PLCH1: variants seen among roughly 807,000 people sequenced by gnomAD.
PLCH1 encodes 1-phosphatidylinositol 4,5-bisphosphate phosphodiesterase eta-1.
PLCH1 carries 60 observed loss-of-function variants against 126.7 expected under a neutral mutation model. The ratio of observed to expected loss-of-function variants is 0.47; its 90% CI spans 0.38 to 0.59. The LOEUF is 0.59. Among genes scored for constraint, PLCH1 ranks in the 20% least tolerant of loss-of-function variants. The pLI is 0.00. For missense variants in PLCH1, 1,723 were observed against 2,040.0 expected (o/e 0.84, Z 2.99); for synonymous variants, 719 against 734.9 (o/e 0.98, Z 0.35).
intron 2 of PLCH1, among the ~76,000 whole-genome samples, chr3:155,695,904 A>G (rs1252263590): frequency 2.0e-5 from 3 of 152,176 alleles, no homozygotes; most frequent in Non-Finnish European, 4.4e-5. Flanking sequence ...CTGGGGTGCA[A>G]AGAGAAGGGA....
At chr3:155,605,206 C>A (rs950310870) in intron 2 of PLCH1, among the ~76,000 whole-genome samples, 6 of 152,080 alleles carry the variant, frequency 3.9e-5, no homozygotes, top group Non-Finnish European at 8.8e-5. Context: ...AGGTTCACAT[C>A]GGTGACTAGT....
intron 8 of PLCH1, among the ~76,000 whole-genome samples, chr3:155,563,338 C>A (rs182795136): frequency 2.0e-4 from 30 of 152,304 alleles, no homozygotes; most frequent in Admixed American, 1.3e-3. Flanking sequence ...ATACATGTTA[C>A]AAAATCAATC....
chr3:155,696,773 C>G (rs1012123176), intron 2 of PLCH1, among the ~76,000 whole-genome samples: 1 of 152,060 alleles, frequency 6.6e-6, no homozygotes, highest in South Asian at 2.1e-4. Flanking sequence ...AATTGGTATT[C>G]CCAAGCATAA....
chr3:155,660,200 C>G (rs1164574775), intron 2 of PLCH1, among the ~76,000 whole-genome samples: 1 of 152,204 alleles, frequency 6.6e-6, no homozygotes, highest in African/African-American at 2.4e-5. Flanking sequence ...AATTGAAAGT[C>G]GGACTTTTCC....
At chr3:155,686,382 C>G (rs189190295) in intron 2 of PLCH1, among the ~76,000 whole-genome samples, 3 of 152,144 alleles carry the variant, frequency 2.0e-5, no homozygotes, top group Non-Finnish European at 4.4e-5. Context: ...GGAGCAATAT[C>G]CCTTGTTCAA....
rs377258765 is a variant in PLCH1, at chr3:155,485,728, C to T, written c.2620-18G>A. 2.6e-6 allele frequency: 4 copies of T among 1,510,794 alleles called. No homozygotes were observed. The highest frequency in any genetic ancestry group is 1.2e-5 in the South Asian group (1 of 86,128). 93.6% of individuals were successfully genotyped at this position (1,510,794 alleles called of 1,614,324 possible). ...TGTCTGTTCTGAAGACACAAAAGAA[C>T]CAACCACAAGTTAAGCAAATGCCAT... On this transcript the variant is annotated intron_variant, in intron 21 of 22. Transcript: ENST00000460012.
At chr3:155,676,376 T>G in intron 2 of PLCH1, 1 of 1,041,584 alleles carries the variant, frequency 9.6e-7, no homozygotes, top group Non-Finnish European at 1.2e-6. Flanking sequence ...GTATGAGACA[T>G]GCATGCTTCG....
chr3:155,502,437 T>A (rs921145091), intron 13 of PLCH1, among the ~76,000 whole-genome samples: 3 of 152,214 alleles, frequency 2.0e-5, no homozygotes, highest in Non-Finnish European at 4.4e-5. Context: ...AAATTTTAGT[T>A]AGGTGAAGTA....
intron 2 of PLCH1, chr3:155,657,875 G>C (rs759551928): frequency 1.3e-5 from 2 of 152,248 alleles, no homozygotes; most frequent in African/African-American, 2.4e-5. Flanking sequence ...CTAAGTCAAG[G>C]CGAAAAAGTC....
rs1005741258 is a variant in PLCH1, at chr3:155,550,057, T to C, written c.1191-99A>G. 3 of 775,920 alleles carry C rather than the reference T, an allele frequency of 3.9e-6. No homozygotes were observed. The East Asian group carries it at 7.6e-5, about 20-fold the overall frequency. The allele number at this position is 775,920 out of a possible 1,614,324, so 48.1% of individuals were successfully genotyped here. The stretch of plus-strand genomic sequence containing the variant: ...ATTCACTGTGTTGTTACAATCCTAG[T>C]GACAGTATTTGCGATACTGATGATG... On this transcript the variant is annotated intron_variant, in intron 9 of 22. Transcript: ENST00000460012.
chr3:155,653,546 G>A (rs151204261), intron 2 of PLCH1, among the ~76,000 whole-genome samples: 2 of 152,068 alleles, frequency 1.3e-5, no homozygotes, highest in African/African-American at 4.8e-5. Context: ...CTTTATGCCT[G>A]CACAAAACAA....
intron 11 of PLCH1, among the ~76,000 whole-genome samples, chr3:155,520,666 C>T (rs73874833): frequency 0.013 from 2,020 of 152,324 alleles, 46 homozygotes; most frequent in African/African-American, 0.046. Context: ...GTGACTTCGC[C>T]TCACAGAATC....
intron 2 of PLCH1, among the ~76,000 whole-genome samples, chr3:155,629,851 C>T (rs183619581): frequency 2.0e-5 from 3 of 152,342 alleles, no homozygotes; most frequent in African/African-American, 7.2e-5. Flanking sequence ...GCACACTTTG[C>T]ACTCGCTGTA....
Position 155,704,130 on chromosome 3 carries a change from A to T in PLCH1, c.79+16T>A, listed in dbSNP as rs1746480669. The T allele has an allele frequency of 8.8e-7, 1 of 1,135,642 alleles. No homozygotes were observed. The highest frequency in any genetic ancestry group is 4.5e-5 in the South Asian group (1 of 22,380). The allele number at this position is 1,135,642 out of a possible 1,614,324, so 70.3% of individuals were successfully genotyped here. ...AAATAAAAGATCCAACTACATAAAT[A>T]CAAGAGACAGCTTACCATGAAACAC... On this transcript the variant is annotated intron_variant, in intron 2 of 22. Transcript: ENST00000460012.
intron 15 of PLCH1, among the ~76,000 whole-genome samples, chr3:155,496,864 T>C (rs1450008196): frequency 2.0e-5 from 3 of 152,252 alleles, no homozygotes; most frequent in Non-Finnish European, 4.4e-5. Flanking sequence ...AACTTCAATC[T>C]GGATTAAGCT....
At chr3:155,590,215 C>T (rs993769476) in intron 4 of PLCH1, among the ~76,000 whole-genome samples, 1 of 152,176 alleles carries the variant, frequency 6.6e-6, no homozygotes, top group African/African-American at 2.4e-5. Flanking sequence ...TAATAATGAA[C>T]ATCCCAAATC....
At chr3:155,569,648 G>C (rs1011980887) in intron 6 of PLCH1, among the ~76,000 whole-genome samples, 3 of 152,188 alleles carry the variant, frequency 2.0e-5, no homozygotes, top group African/African-American at 7.2e-5. Context: ...CTGTGAGCTA[G>C]AGAGATTTGG....
intron 10 of PLCH1, among the ~76,000 whole-genome samples, chr3:155,527,864 G>A (rs1722164652): frequency 6.7e-6 from 1 of 148,662 alleles, no homozygotes. Flanking sequence ...AAGTTGCAGT[G>A]AGCCAAGATC....
chr3:155,677,391 A>G (rs545883605), intron 2 of PLCH1, among the ~76,000 whole-genome samples: 1 of 152,326 alleles, frequency 6.6e-6, no homozygotes, highest in East Asian at 1.9e-4. Context: ...CAAATACTCT[A>G]GGGAAACTTG....
Sources: allele counts gnomAD v4.1 joint callset (sites outside exome capture counted in the v4.1 genomes callset), GRCh38; gene constraint gnomAD v4.1.1; transcripts MANE v1.5; gene names NCBI Gene and HGNC (gene_info 2026-07-23, HGNC 2026-07-21).